ANK1: variants seen among roughly 807,000 people sequenced by gnomAD.
ANK1 encodes ankyrin-1.
In ANK1, 51 loss-of-function variants were observed where a neutral mutation model predicts 210.4. The ratio of observed to expected loss-of-function variants is 0.24; its 90% CI spans 0.19 to 0.31. ANK1 has a LOEUF of 0.31. Ranked by LOEUF, ANK1 falls within the 10% of genes least tolerant of loss-of-function variation. The pLI, the probability that ANK1 is intolerant of heterozygous loss-of-function variation, is 1.00. For missense variants in ANK1, 2,051 were observed against 2,504.4 expected, an observed-to-expected ratio of 0.82 and a Z score of 3.86; for synonymous variants, 967 against 1,025.9, an observed-to-expected ratio of 0.94 and a Z score of 1.10.
At chr8:41,689,604 G>A (rs1384896378) in intron 33 of ANK1, among the ~76,000 whole-genome samples, 2 of 152,098 alleles carry the variant, frequency 1.3e-5, no homozygotes, top group African/African-American at 2.4e-5. Flanking sequence ...CCACAGAGAC[G>A]GTCTGGAGAC....
chr8:41,663,389 G>A (rs984517045), intron 40 of ANK1, among the ~76,000 whole-genome samples: 1 of 152,176 alleles, frequency 6.6e-6, no homozygotes, highest in Non-Finnish European at 1.5e-5. Context: ...GGTCTGGGAT[G>A]TTTCCTGGGG....
chr8:41,781,771 G>A (rs756211332), intron 1 of ANK1, among the ~76,000 whole-genome samples: 13 of 152,146 alleles, frequency 8.5e-5, no homozygotes, highest in African/African-American at 2.4e-4. Flanking sequence ...GACTCAGGGC[G>A]GTGACCCAGG....
In ANK1 at chr8:41,668,446, T is replaced by C; in HGVS notation, c.5215A>G (p.Thr1739Ala). Reference protein sequence around the residue: ...PHSFQGTSTMTEGLEPGGSQE... With the variant: ...PHSFQGTSTMAEGLEPGGSQE... ...GATCCACCGGGCTCTAGCCCTTCAG[T>C]CATGGTACTTGTTCCCTGGAATGAG... Residue 1739 changes from threonine (T) to alanine (A), a missense_variant, in exon 39 of 43, where the codon ACT (threonine) becomes GCT (alanine). By Grantham distance (58) the Thr-to-Ala change is moderately conservative. This residue lies in a region of ANK1 where 496 missense variants were observed against 533.4 expected (regional missense o/e 0.93). Transcript: ENST00000289734. The C allele has an allele frequency of 6.2e-7, 1 of 1,614,222 alleles. No individual in the cohort carries two copies.
Position 41,689,601 on chromosome 8 carries a change from G to C in ANK1, c.4104+626C>G, listed in dbSNP as rs117137437. Among the ~76,000 whole-genome samples the C allele has an allele frequency of 1.1e-3, 172 of 152,298 alleles. 2 individuals are homozygous for C. The East Asian group carries it at 0.03, about 27-fold the overall frequency. On this transcript the variant is annotated intron_variant, in intron 33 of 42. Transcript: ENST00000289734. ...AAACAACAGCAACGAAAACCACAGA[G>C]ACGGTCTGGAGACGTATGATCCCTC... is the stretch of plus-strand genomic sequence containing the variant.
chr8:41,892,381 G>A (rs938207993), intron 1 of ANK1, among the ~76,000 whole-genome samples: 1 of 152,200 alleles, frequency 6.6e-6, no homozygotes, highest in Admixed American at 6.5e-5. Context: ...AAAGACTGAC[G>A]GAGCTGCCTG....
At chr8:41,726,044 G>T in intron 5 of ANK1, 98 bp from the exon 6 acceptor site, 3 of 1,403,224 alleles carry the variant, frequency 2.1e-6, no homozygotes, top group Non-Finnish European at 2.9e-6. Context: ...GCTCCCAGCA[G>T]CCCCAGCCTG....
At chr8:41,784,108 G>T (rs1563761031) in intron 1 of ANK1, among the ~76,000 whole-genome samples, 1 of 150,234 alleles carries the variant, frequency 6.7e-6, no homozygotes, top group Non-Finnish European at 1.5e-5. Flanking sequence ...GATTAACAGT[G>T]TTTAAGCCAA....
rs895895308 is a variant in ANK1 at position 41,812,231 on chromosome 8, T to C, written c.127-54094A>G. On this transcript the variant is annotated intron_variant, in intron 1 of 42. Transcript: ENST00000265709. ...AGCAAAAATGGCTTCTCTCCACTGT[T>C]CTAAGTTCTTTGGCTGTGCTACAAA... 2.0e-5 allele frequency among the ~76,000 whole-genome samples: 3 copies of C among 152,246 alleles called. No individual in the cohort carries two copies. In the South Asian group the frequency reaches 6.2e-4, roughly 32 times the overall value.
At chr8:41,667,127 G>A (rs563866214) in intron 39 of ANK1, among the ~76,000 whole-genome samples, 12 of 152,248 alleles carry the variant, frequency 7.9e-5, no homozygotes, top group East Asian at 5.8e-4. Context: ...AGAAACGGAC[G>A]GGCCGCCTGT....
rs548214300 is a variant in ANK1, at chr8:41,842,660, A to G, written c.126+53695T>C. On this transcript the variant is annotated intron_variant, in intron 1 of 42. Coordinates refer to the ANK1 transcript ENST00000265709. ...TTGTGGTGGAGGTTACAGGAAGCGC[A>G]TATTAGTGCAGATGTGGAGGGGCCT... Among the ~76,000 whole-genome samples the G allele has an allele frequency of 1.1e-3, 172 of 152,234 alleles. 1 individual carries two copies. Among genetic ancestry groups the G allele is most frequent in the Middle Eastern group, 0.01 (3 of 294 alleles).
At chr8:41,868,851 G>A (rs72640355) in intron 1 of ANK1, among the ~76,000 whole-genome samples, 3,052 of 152,256 alleles carry the variant, frequency 0.02, 40 homozygotes, top group Non-Finnish European at 0.033. Flanking sequence ...TTTCGGATGG[G>A]AGACACTGCA....
chr8:41,666,451 G>A (rs1437569866), intron 39 of ANK1, among the ~76,000 whole-genome samples: 1 of 152,190 alleles, frequency 6.6e-6, no homozygotes, highest in Non-Finnish European at 1.5e-5. Flanking sequence ...AAGAAAGCAC[G>A]GGGAAAAGTA....
intron 3 of ANK1, among the ~76,000 whole-genome samples, chr8:41,729,240 G>A (rs891039297): frequency 6.6e-6 from 1 of 152,152 alleles, no homozygotes; most frequent in African/African-American, 2.4e-5. Flanking sequence ...AATGAGTAAG[G>A]GTTCACCAAA....
chr8:41,821,757 T>C (rs943418008), intron 1 of ANK1, among the ~76,000 whole-genome samples: 15 of 152,102 alleles, frequency 9.9e-5, no homozygotes, highest in African/African-American at 3.6e-4. Flanking sequence ...TCTTGAAAAG[T>C]GAGACATTGG....
intron 1 of ANK1, among the ~76,000 whole-genome samples, chr8:41,781,257 A>G (rs886942759): frequency 6.6e-6 from 1 of 152,094 alleles, no homozygotes; most frequent in Non-Finnish European, 1.5e-5. Flanking sequence ...AGCCACCTCA[A>G]TCTCCTGGCC....
At chr8:41,826,438 A>C in intron 1 of ANK1, among the ~76,000 whole-genome samples, 2 of 150,236 alleles carry the variant, frequency 1.3e-5, no homozygotes, top group South Asian at 2.1e-4. Flanking sequence ...TACACCACCC[A>C]CTCCCTGGCT....
At position 41,715,860 on chromosome 8, in the gene ANK1, A is replaced by C. The variant is rs760430274; in HGVS notation, c.1405-11T>G. The C allele has an allele frequency of 3.1e-6, 5 of 1,614,152 alleles. No individual in the cohort carries two copies. Among genetic ancestry groups the C allele is most frequent in the South Asian group, 1.1e-5 (1 of 91,076 alleles). On this transcript the variant is annotated splice_polypyrimidine_tract_variant and intron_variant, in intron 13 of 42. Transcript: ENST00000289734. Reference sequence around the variant, plus strand: ...TGGGGTCTGGTCATCCTGGACCCCGAAGGGAAAACAAAGAAGAAGAAACGC... The same window carrying C: ...TGGGGTCTGGTCATCCTGGACCCCGCAGGGAAAACAAAGAAGAAGAAACGC...
At chr8:41,688,905 A>G (rs537158214) in intron 33 of ANK1, among the ~76,000 whole-genome samples, 2 of 152,202 alleles carry the variant, frequency 1.3e-5, no homozygotes, top group Admixed American at 6.5e-5. Flanking sequence ...CATTTCATCA[A>G]TACGTAAACT....
chr8:41,672,766 C>G lies in ANK1; in HGVS notation c.4684G>C (p.Glu1562Gln). Residue 1562 changes from glutamate to glutamine, a missense_variant, in exon 38 of 43, where the codon GAG (glutamate) becomes CAG (glutamine). This residue lies in a region of ANK1 where 496 missense variants were observed against 533.4 expected (regional missense o/e 0.93). Transcript: ENST00000289734. ...LAATEHDTML[E>Q]MSDMQVWSAG... Reference sequence around the variant, plus strand: ...GACCACACCTGCATGTCAGACATCTCCAGCATGGTGTCATGCTCCGTGGCC... The same window carrying G: ...GACCACACCTGCATGTCAGACATCTGCAGCATGGTGTCATGCTCCGTGGCC... 2 of 1,602,852 alleles carry G rather than the reference C, an allele frequency of 1.2e-6. No individual in the cohort carries two copies. The highest frequency in any genetic ancestry group is 1.7e-6 in the Non-Finnish European group (2 of 1,172,976).
Sources: allele counts gnomAD v4.1 joint callset (sites outside exome capture counted in the v4.1 genomes callset), GRCh38; gene constraint gnomAD v4.1.1; regional missense constraint gnomAD v4.1.1; transcripts MANE v1.5; gene names NCBI Gene and HGNC (gene_info 2026-07-23, HGNC 2026-07-21).